The following ABHD18 variants were observed in gnomAD, a reference collection of about 807,000 sequenced individuals.
ABHD18 encodes cardiolipin-specific deacylase, mitochondrial.
Under a neutral mutation model 65.9 loss-of-function variants are expected in ABHD18, and 55 were observed. The ratio of observed to expected loss-of-function variants is 0.84; its 90% CI spans 0.67 to 1.05. ABHD18 has a LOEUF of 1.05. ABHD18 is among the 50% of genes least tolerant of loss of function. The pLI, the probability that ABHD18 is intolerant of heterozygous loss-of-function variation, is 0.00. For synonymous variants in ABHD18, 181 were observed against 180.2 expected (o/e 1.00, Z -0.04); for missense variants, 533 against 558.5 (o/e 0.95, Z 0.46).
chr4:127,988,918 C>CA (rs1364905882), intron 3 of ABHD18, among the ~76,000 whole-genome samples: 61 of 152,138 alleles, frequency 4.0e-4, no homozygotes, highest in Admixed American at 4.0e-3. Flanking sequence ...GCAATCCCCC[C>CA]ACTGGGTATA....
intron 4 of ABHD18, among the ~76,000 whole-genome samples, chr4:127,995,862 A>T (rs1407208619): frequency 6.6e-6 from 1 of 152,242 alleles, no homozygotes; most frequent in Admixed American, 6.5e-5. Context: ...AAGGAAAAAA[A>T]ATTGTATAAA....
chr4:128,014,689 AG>A (rs1416018671), intron 7 of ABHD18, among the ~76,000 whole-genome samples: 2 of 151,978 alleles, frequency 1.3e-5, no homozygotes, highest in Non-Finnish European at 2.9e-5. Flanking sequence ...GCACTTTGGA[AG>A]GCTGAGATGG....
chr4:127,976,783 C>T (rs922429338), intron 1 of ABHD18, among the ~76,000 whole-genome samples: 24 of 152,090 alleles, frequency 1.6e-4, no homozygotes, highest in Non-Finnish European at 3.4e-4. Context: ...GGCTCACGTC[C>T]GTAATCCCAG....
intron 10 of ABHD18, among the ~76,000 whole-genome samples, chr4:128,023,819 G>A (rs1756934125): frequency 1.3e-5 from 2 of 152,216 alleles, no homozygotes. Flanking sequence ...AGAAGGCAGA[G>A]CTTGCAGTAA....
chr4:127,978,489 AT>A (rs2149058268), intron 1 of ABHD18, among the ~76,000 whole-genome samples: 1 of 152,318 alleles, frequency 6.6e-6, no homozygotes, highest in African/African-American at 2.4e-5. Flanking sequence ...TACAGAATAC[AT>A]GTAAATATAA....
chr4:127,986,465 A>G (rs999947614), intron 3 of ABHD18, among the ~76,000 whole-genome samples: 1 of 152,216 alleles, frequency 6.6e-6, no homozygotes, highest in Admixed American at 6.5e-5. Context: ...CCATTCATAA[A>G]TTGATGGACA....
chr4:128,005,119 C>G (rs964767743), intron 4 of ABHD18, among the ~76,000 whole-genome samples: 4 of 152,092 alleles, frequency 2.6e-5, no homozygotes, highest in East Asian at 1.9e-4. Flanking sequence ...ATCCCAGCTA[C>G]TTGGGAGGAT....
At chr4:128,002,230 G>A (rs974649938) in intron 4 of ABHD18, among the ~76,000 whole-genome samples, 2 of 151,998 alleles carry the variant, frequency 1.3e-5, no homozygotes, top group South Asian at 4.1e-4. Flanking sequence ...AGCCAAGATC[G>A]TGACACTGCA....
chr4:128,031,003 T>C, intron 12 of ABHD18: 1 of 1,041,512 alleles, frequency 9.6e-7, no homozygotes, highest in Non-Finnish European at 1.2e-6. Flanking sequence ...CAAGAGTTTT[T>C]TCACTCTATT....
At chr4:128,018,530 A>G (rs1304082959) in intron 8 of ABHD18, among the ~76,000 whole-genome samples, 1 of 152,086 alleles carries the variant, frequency 6.6e-6, no homozygotes, top group Non-Finnish European at 1.5e-5. Flanking sequence ...TTGTGGCTAC[A>G]TGGGAGGTTG....
chr4:127,975,779 A>G (rs2149050209), intron 1 of ABHD18, among the ~76,000 whole-genome samples: 1 of 152,180 alleles, frequency 6.6e-6, no homozygotes, highest in Admixed American at 6.5e-5. Context: ...ATTTATGCCC[A>G]TTTTATAGGG....
intron 1 of ABHD18, among the ~76,000 whole-genome samples, chr4:127,975,614 A>G (rs1747761765): frequency 1.3e-5 from 2 of 152,140 alleles, no homozygotes; most frequent in South Asian, 4.1e-4. Context: ...TTTATTTATA[A>G]CCTAGGAAGT....
chr4:128,020,906 T>C (rs1369556149), intron 9 of ABHD18, among the ~76,000 whole-genome samples: 1 of 152,042 alleles, frequency 6.6e-6, no homozygotes, highest in Non-Finnish European at 1.5e-5. Flanking sequence ...TGGTGGCACA[T>C]GCCTGTAGTC....
At chr4:127,991,045 G>A (rs1377169433) in intron 4 of ABHD18, among the ~76,000 whole-genome samples, 4 of 152,038 alleles carry the variant, frequency 2.6e-5, no homozygotes, top group African/African-American at 9.7e-5. Context: ...TGTATTTTTA[G>A]TACGGATGGA....
intron 1 of ABHD18, among the ~76,000 whole-genome samples, chr4:127,966,898 A>C (rs1253868898): frequency 2.7e-5 from 4 of 150,934 alleles, no homozygotes; most frequent in Admixed American, 6.6e-5. Flanking sequence ...AAAAAAAAAA[A>C]AACCAAAAAC....
At chr4:127,972,844 G>A (rs1192063509) in intron 1 of ABHD18, among the ~76,000 whole-genome samples, 2 of 152,050 alleles carry the variant, frequency 1.3e-5, no homozygotes, top group Non-Finnish European at 2.9e-5. Context: ...CATTTCAGAA[G>A]TTAGTTTGCC....
intron 3 of ABHD18, among the ~76,000 whole-genome samples, chr4:127,984,629 G>A (rs1377314925): frequency 6.6e-6 from 1 of 152,026 alleles, no homozygotes; most frequent in East Asian, 1.9e-4. Context: ...AGGCGGAGGC[G>A]GGTGGATCAC....
At chr4:128,027,851 A>C (rs1269065173) in intron 10 of ABHD18, among the ~76,000 whole-genome samples, 1 of 151,220 alleles carries the variant, frequency 6.6e-6, no homozygotes, top group Non-Finnish European at 1.5e-5. Context: ...CTTTGGCTAT[A>C]AAAAAAAATG....
rs766889177 is a variant in ABHD18, at chr4:128,028,404, T to C, written c.802-71T>C. On this transcript the variant is annotated intron_variant, in intron 10 of 12. Coordinates refer to ENST00000645843, the MANE Select transcript of ABHD18 (RefSeq NM_001358451.3). ...ATTGATGGACATTTGTCTTTTCTCT[T>C]TTTTTTTTGACAAAGCTGTTAATAC... The C allele has an allele frequency of 1.1e-5, 13 of 1,150,494 alleles. No homozygotes were observed. The Admixed American group carries it at 2.2e-4, about 20-fold the overall frequency. 71.3% of individuals were successfully genotyped at this position (1,150,494 alleles called of 1,614,324 possible).
Sources: gnomAD v4.1 joint callset for allele counts (sites outside exome capture counted in the v4.1 genomes callset) on GRCh38, gnomAD v4.1.1 for gene constraint, MANE v1.5 for transcripts, NCBI Gene and HGNC (gene_info 2026-07-23, HGNC 2026-07-21) for gene names.